The following KIF26B variants were observed in gnomAD, a reference collection of about 807,000 sequenced individuals.
The protein encoded by KIF26B is kinesin-like protein KIF26B.
Under a neutral mutation model 151.2 loss-of-function variants are expected in KIF26B, and 63 were observed. The ratio of observed to expected loss-of-function variants is 0.42; its 90% CI spans 0.34 to 0.51. The LOEUF is 0.51. Among genes scored for constraint, KIF26B ranks in the 20% least tolerant of loss-of-function variants. The pLI is 0.07. For synonymous variants in KIF26B, 1,357 were observed against 1,262.1 expected, an observed-to-expected ratio of 1.08 and a Z score of -1.59; for missense variants, 2,813 against 2,913.6, an observed-to-expected ratio of 0.97 and a Z score of 0.79.
intron 2 of KIF26B, among the ~76,000 whole-genome samples, chr1:245,236,659 T>A (rs1670115430): frequency 6.6e-6 from 1 of 152,228 alleles, no homozygotes; most frequent in Non-Finnish European, 1.5e-5. Flanking sequence ...TGATTTTTCC[T>A]TGTCCTTTCC....
intron 5 of KIF26B, among the ~76,000 whole-genome samples, chr1:245,573,688 A>T (rs1054325064): frequency 3.3e-5 from 5 of 150,332 alleles, no homozygotes; most frequent in Non-Finnish European, 5.9e-5. Flanking sequence ...GCCAAGGAAA[A>T]AAAAAGAACA....
At position 245,698,023 on chromosome 1, in the gene KIF26B, C is replaced by T. The variant is rs887153038; in HGVS notation, c.5825-83C>T. 27 of 1,314,120 alleles carry T rather than the reference C, an allele frequency of 2.1e-5. No individual in the cohort carries two copies. The highest frequency in any genetic ancestry group is 2.6e-5 in the Non-Finnish European group (25 of 959,274). 81.4% of individuals were successfully genotyped at this position (1,314,120 alleles called of 1,614,324 possible). On this transcript the variant is annotated intron_variant, in intron 12 of 14. Transcript: ENST00000407071. The surrounding 1 kb of genome is among the most constrained non-coding windows in gnomAD (Gnocchi z 4.0). ...CACCACTGCACTCCAGCCTGGGCAA[C>T]AGAGCAAGACCCTGTCTCAAAAAAA...
At chr1:245,296,371 T>G (rs1486475998) in intron 2 of KIF26B, among the ~76,000 whole-genome samples, 1 of 151,976 alleles carries the variant, frequency 6.6e-6, no homozygotes. Context: ...ATTCTGAATC[T>G]CCATGATTAC....
Position 245,155,474 on chromosome 1 carries a change from G to A in KIF26B, c.50G>A (p.Gly17Asp). 1.2e-6 allele frequency: 2 copies of A among 1,611,872 alleles called. No individual in the cohort carries two copies. The highest frequency in any genetic ancestry group is 1.7e-6 in the Non-Finnish European group (2 of 1,178,898). The change falls in exon 1 of 15, where the codon GGC becomes GAC. Residue 17 changes from glycine (G) to aspartate (D), a missense_variant. By Grantham distance (94) the Gly-to-Asp change is moderately conservative. Coordinates refer to ENST00000407071, the MANE Select transcript of KIF26B (RefSeq NM_018012.4). ...GAGAGGCTTGCGGTCTCCACCAGGG[G>A]CAAGAAATACGGGGTAAGTTGTGAC... is the stretch of plus-strand genomic sequence containing the variant. ...NKERLAVSTRGKKYGVNEVCS... is the reference protein window; with the variant it reads ...NKERLAVSTRDKKYGVNEVCS...
rs372277080 is a variant in KIF26B at position 245,570,216 on chromosome 1, G to A, written c.1350+29266G>A. ...CTCCCAAAGTGCTGGGATTACAGGCGTGAGCCACCATGCCTGGCCTGAGAA... is the reference window on the plus strand; with the variant it reads ...CTCCCAAAGTGCTGGGATTACAGGCATGAGCCACCATGCCTGGCCTGAGAA... On this transcript the variant is annotated intron_variant, in intron 5 of 14. Coordinates refer to ENST00000407071, the MANE Select transcript of KIF26B (RefSeq NM_018012.4). Among the ~76,000 whole-genome samples the A allele has an allele frequency of 7.2e-5, 11 of 152,146 alleles. No homozygotes were observed. In the East Asian group the frequency reaches 1.2e-3, roughly 16 times the overall value.
In KIF26B at chr1:245,702,571, A is replaced by G. The variant is rs371424720; in HGVS notation, c.6292A>G (p.Ile2098Val). The G allele has an allele frequency of 1.2e-6, 2 of 1,613,806 alleles. No individual in the cohort carries two copies. The highest frequency in any genetic ancestry group is 1.7e-6 in the Non-Finnish European group (2 of 1,179,888). The change falls in exon 15 of 15, where the codon ATC becomes GTC. Residue 2098 changes from isoleucine to valine, a missense_variant. Physicochemically the swap from Ile to Val is conservative, Grantham distance 29 (BLOSUM62 3). This residue lies in a region of KIF26B where 2,060 missense variants were observed against 2,088.6 expected (regional missense o/e 0.99). Coordinates refer to ENST00000407071, the MANE Select transcript of KIF26B (RefSeq NM_018012.4). The surrounding 1 kb of genome is among the most constrained non-coding windows in gnomAD (Gnocchi z 4.1). ...VNFCKAHLMM[I>V]TCFDITSRRR Reference sequence around the variant, plus strand: ...CTTCTGCAAGGCCCATCTCATGATGATCACCTGCTTCGACATCACCTCCAG... The same window carrying G: ...CTTCTGCAAGGCCCATCTCATGATGGTCACCTGCTTCGACATCACCTCCAG...
At chr1:245,383,345 C>T (rs1182821198) in intron 3 of KIF26B, among the ~76,000 whole-genome samples, 1 of 152,078 alleles carries the variant, frequency 6.6e-6, no homozygotes, top group African/African-American at 2.4e-5. Flanking sequence ...ACACGGTATC[C>T]GTGTGTTTTT....
At chr1:245,197,897 G>A (rs983521667) in intron 2 of KIF26B, among the ~76,000 whole-genome samples, 8 of 152,134 alleles carry the variant, frequency 5.3e-5, no homozygotes, top group South Asian at 2.1e-4. Flanking sequence ...ACTCCCATGC[G>A]TACTGGAGTT....
intron 9 of KIF26B, among the ~76,000 whole-genome samples, chr1:245,643,742 C>A (rs1011611611): frequency 6.6e-6 from 1 of 152,014 alleles, no homozygotes; most frequent in African/African-American, 2.4e-5. Context: ...TCTTTATTTC[C>A]CTTTTGTTTT....
At chr1:245,337,556 G>GCA (rs1491380095) in intron 2 of KIF26B, among the ~76,000 whole-genome samples, 1 of 143,860 alleles carries the variant, frequency 7.0e-6, no homozygotes, top group African/African-American at 2.6e-5. Context: ...GTGTGTGTGT[G>GCA]CACCCGTGTA....
chr1:245,457,844 T>G (rs1659568755), intron 4 of KIF26B, among the ~76,000 whole-genome samples: 1 of 152,232 alleles, frequency 6.6e-6, no homozygotes, highest in Admixed American at 6.5e-5. Flanking sequence ...TTGCAAATGT[T>G]GCTACAACGA....
intron 2 of KIF26B, among the ~76,000 whole-genome samples, chr1:245,359,306 A>G (rs1013324002): frequency 6.6e-6 from 1 of 152,152 alleles, no homozygotes; most frequent in Non-Finnish European, 1.5e-5. Context: ...AGAGTGAGCC[A>G]CCGCGTCCAG....
At chr1:245,478,073 T>C (rs1660081281) in intron 4 of KIF26B, among the ~76,000 whole-genome samples, 1 of 151,848 alleles carries the variant, frequency 6.6e-6, no homozygotes, top group Non-Finnish European at 1.5e-5. Flanking sequence ...TTCATATTAA[T>C]GGAATCATAC....
intron 2 of KIF26B, among the ~76,000 whole-genome samples, chr1:245,215,696 T>C (rs573120707): frequency 6.6e-6 from 1 of 152,202 alleles, no homozygotes; most frequent in Non-Finnish European, 1.5e-5. Flanking sequence ...CCTTTTAGGG[T>C]ATGTGCTGGA....
chr1:245,544,612 G>A (rs940980172), intron 5 of KIF26B, among the ~76,000 whole-genome samples: 53 of 152,172 alleles, frequency 3.5e-4, no homozygotes, highest in Admixed American at 3.3e-3. Context: ...CAAGAAGTCA[G>A]GACCTTTCGG....
intron 2 of KIF26B, among the ~76,000 whole-genome samples, chr1:245,257,248 C>A (rs998696922): frequency 1.3e-5 from 2 of 152,198 alleles, no homozygotes; most frequent in Admixed American, 1.3e-4. Context: ...GTACATCTTA[C>A]ATGTATTGAT....
intron 4 of KIF26B, among the ~76,000 whole-genome samples, chr1:245,468,316 C>T (rs768238169): frequency 6.6e-6 from 1 of 152,160 alleles, no homozygotes; most frequent in Non-Finnish European, 1.5e-5. Context: ...AGAGGGGGGT[C>T]ATTGGTTTGG....
chr1:245,308,162 G>T (rs1671594371), intron 2 of KIF26B, among the ~76,000 whole-genome samples: 1 of 152,154 alleles, frequency 6.6e-6, no homozygotes, highest in Admixed American at 6.5e-5. Context: ...CTGGGTTAGG[G>T]GAGAAGTATA....
At chr1:245,482,712 C>A (rs942632687) in intron 4 of KIF26B, among the ~76,000 whole-genome samples, 4 of 151,676 alleles carry the variant, frequency 2.6e-5, no homozygotes, top group Admixed American at 6.6e-5. Flanking sequence ...GAATACATTC[C>A]CCGCTTCCCT....
Sources: allele counts gnomAD v4.1 joint callset (sites outside exome capture counted in the v4.1 genomes callset), GRCh38; gene constraint gnomAD v4.1.1; regional missense constraint gnomAD v4.1.1; non-coding constraint Gnocchi (gnomAD v3.1); transcripts MANE v1.5; gene names NCBI Gene and HGNC (gene_info 2026-07-23, HGNC 2026-07-21).